AKAP13: variants seen among roughly 807,000 people sequenced by gnomAD.
AKAP13 encodes A-kinase anchor protein 13.
Under a neutral mutation model 264.5 loss-of-function variants are expected in AKAP13, and 80 were observed. That is an observed-to-expected ratio of 0.30 (90% CI 0.25 to 0.36). The LOEUF (loss-of-function observed/expected upper bound fraction) is 0.36, where lower values mean the gene tolerates loss of function less well. Ranked by LOEUF, AKAP13 falls within the 10% of genes least tolerant of loss-of-function variation. The pLI, the probability that AKAP13 is intolerant of heterozygous loss-of-function variation, is 1.00. For synonymous variants in AKAP13, 1,380 were observed against 1,250.2 expected, an observed-to-expected ratio of 1.10 and a Z score of -2.19; for missense variants, 3,712 against 3,435.2, an observed-to-expected ratio of 1.08 and a Z score of -2.01.
chr15:85,667,039 T>TA (rs1046537171), intron 13 of AKAP13, among the ~76,000 whole-genome samples: 114 of 151,614 alleles, frequency 7.5e-4, no homozygotes, highest in African/African-American at 2.3e-3. Context: ...ACTTACAATT[T>TA]AAAAAAAAAC....
At chr15:85,617,251 T>TGA (rs1448542614) in intron 8 of AKAP13, among the ~76,000 whole-genome samples, 4 of 151,920 alleles carry the variant, frequency 2.6e-5, no homozygotes, top group Non-Finnish European at 4.4e-5. Flanking sequence ...TTGTTTTTGT[T>TGA]TTTTGTTTTT....
At chr15:85,690,480 A>G (rs963790659) in intron 16 of AKAP13, among the ~76,000 whole-genome samples, 5 of 152,294 alleles carry the variant, frequency 3.3e-5, no homozygotes, top group South Asian at 2.1e-4. Flanking sequence ...GTGATTACCA[A>G]TTTTCACTCA....
intron 1 of AKAP13, among the ~76,000 whole-genome samples, chr15:85,443,205 C>A (rs1028981620): frequency 2.6e-5 from 4 of 151,314 alleles, no homozygotes; most frequent in African/African-American, 9.7e-5. Flanking sequence ...GTCCCAAGAT[C>A]CCCTTATGTC....
At chr15:85,505,509 T>A (rs1416477179) in intron 2 of AKAP13, among the ~76,000 whole-genome samples, 1 of 152,242 alleles carries the variant, frequency 6.6e-6, no homozygotes, top group East Asian at 1.9e-4. Context: ...TTGGCCAGTA[T>A]CTTTATTGGG....
intron 16 of AKAP13, among the ~76,000 whole-genome samples, chr15:85,689,216 C>A (rs1254738122): frequency 6.6e-6 from 1 of 152,222 alleles, no homozygotes; most frequent in African/African-American, 2.4e-5. Flanking sequence ...CATTCAGTTA[C>A]AGCTCCTAGG....
At chr15:85,686,145 CTGTGTG>C (rs36166313) in intron 16 of AKAP13, among the ~76,000 whole-genome samples, 18 of 149,442 alleles carry the variant, frequency 1.2e-4, no homozygotes, top group Admixed American at 2.7e-4. Flanking sequence ...CAAGGAATCA[CTGTGTG>C]TGTGTGTGTG....
intron 33 of AKAP13, 67 bp downstream of exon 33, chr15:85,736,201 T>G: frequency 7.3e-7 from 1 of 1,370,210 alleles, no homozygotes; most frequent in South Asian, 1.3e-5. Context: ...GGAATATTGT[T>G]TTTTCCTTTT....
intron 1 of AKAP13, among the ~76,000 whole-genome samples, chr15:85,404,742 A>G (rs1358319374): frequency 6.6e-6 from 1 of 152,236 alleles, no homozygotes; most frequent in Non-Finnish European, 1.5e-5. Flanking sequence ...TTGTATCTTT[A>G]GTACCTAGCT....
At chr15:85,563,365 A>G (rs2078483835) in intron 5 of AKAP13, among the ~76,000 whole-genome samples, 1 of 119,472 alleles carries the variant, frequency 8.4e-6, no homozygotes, top group Non-Finnish European at 1.7e-5. Context: ...AAAGACGGAG[A>G]ATGAGAATTT....
chr15:85,628,990 C>G (rs1368164921), intron 8 of AKAP13, among the ~76,000 whole-genome samples: 3 of 151,980 alleles, frequency 2.0e-5, no homozygotes. Flanking sequence ...GCTTGGAGTT[C>G]AAGACCAGCC....
intron 8 of AKAP13, among the ~76,000 whole-genome samples, chr15:85,631,406 G>A (rs548534366): frequency 4.6e-5 from 7 of 151,816 alleles, no homozygotes; most frequent in African/African-American, 1.7e-4. Context: ...AATTATATAC[G>A]TTAAATGGGC....
chr15:85,619,270 T>C, intron 8 of AKAP13: 1 of 688,560 alleles, frequency 1.5e-6, no homozygotes, highest in Non-Finnish European at 1.8e-6. Context: ...CCTCCAAGGC[T>C]GCGGGTGCGG....
chr15:85,574,633 A>G (rs944437513), intron 5 of AKAP13, among the ~76,000 whole-genome samples: 5 of 152,204 alleles, frequency 3.3e-5, no homozygotes, highest in South Asian at 2.1e-4. Flanking sequence ...ATTGACTTCA[A>G]TAATCTTGAG....
chr15:85,508,001 TCTCTGTGG>T (rs2076291238), intron 2 of AKAP13, among the ~76,000 whole-genome samples: 1 of 151,968 alleles, frequency 6.6e-6, no homozygotes, highest in Non-Finnish European at 1.5e-5. Context: ...CTCCTCCTTT[TCTCTGTGG>T]CATTTTGCTT....
At chr15:85,599,168 C>G (rs1329806954) in intron 8 of AKAP13, among the ~76,000 whole-genome samples, 1 of 152,208 alleles carries the variant, frequency 6.6e-6, no homozygotes, top group Non-Finnish European at 1.5e-5. Context: ...TGAGCCTGCT[C>G]TTTCCTCCTT....
At chr15:85,691,937 C>T (rs2085308475) in intron 16 of AKAP13, 2 of 461,758 alleles carry the variant, frequency 4.3e-6, no homozygotes, top group African/African-American at 4.0e-5. Context: ...CTTCCTGCAC[C>T]CCTAGGTACT....
chr15:85,517,385 G>T (rs1435181210), intron 2 of AKAP13, among the ~76,000 whole-genome samples: 1 of 151,020 alleles, frequency 6.6e-6, no homozygotes. Context: ...ACTTTTCCCA[G>T]TTAAAGGAAA....
At chr15:85,735,454 G>T in intron 31 of AKAP13, 106 bp from the exon 32 acceptor site, 1 of 1,180,738 alleles carries the variant, frequency 8.5e-7, no homozygotes, top group South Asian at 1.5e-5. Context: ...GGGGGCATCA[G>T]TAGGTTTCAG....
Position 85,682,141 on chromosome 15 carries a change from T to C in AKAP13, c.5102-17T>C. 6.2e-7 allele frequency: 1 copy of C among 1,613,226 alleles called. No individual in the cohort carries two copies. The highest frequency in any genetic ancestry group is 8.5e-7 in the Non-Finnish European group (1 of 1,179,868). The stretch of plus-strand genomic sequence containing the variant: ...TAAATTTTTTGGTTCTAACTTTTTT[T>C]CTGCCTTGTTTTCTAGATTCACGGC... On this transcript the variant is annotated splice_polypyrimidine_tract_variant and intron_variant, in intron 14 of 36. Transcript: ENST00000394518.
Sources: allele counts gnomAD v4.1 joint callset (sites outside exome capture counted in the v4.1 genomes callset), GRCh38; gene constraint gnomAD v4.1.1; transcripts MANE v1.5; gene names NCBI Gene and HGNC (gene_info 2026-07-23, HGNC 2026-07-21).